Variants in CACNA1I observed in about 807,000 individuals in gnomAD.
CACNA1I encodes calcium voltage-gated channel subunit alpha1 I.
In CACNA1I, 74 loss-of-function variants were observed where a neutral mutation model predicts 201.6. That is an observed-to-expected ratio of 0.37 (90% CI 0.30 to 0.45). The LOEUF (loss-of-function observed/expected upper bound fraction) is 0.45. CACNA1I is among the 20% of genes least tolerant of loss of function. The probability of loss-of-function intolerance (pLI) is 1.00; values close to 1 mark genes in which losing one functional copy is unlikely to be tolerated. For missense variants in CACNA1I, 2,346 were observed against 3,138.1 expected, an observed-to-expected ratio of 0.75 and a Z score of 6.03; for synonymous variants, 1,431 against 1,345.2, an observed-to-expected ratio of 1.06 and a Z score of -1.40.
chr22:39,615,937 G>A (rs888803206), intron 3 of CACNA1I, among the ~76,000 whole-genome samples: 1 of 152,102 alleles, frequency 6.6e-6, no homozygotes, highest in African/African-American at 2.4e-5. Flanking sequence ...TGACTTGGTT[G>A]CCAGGAAGCT....
chr22:39,673,056 T>C lies in CACNA1I; in HGVS notation c.4757T>C (p.Ile1586Thr). 1 of 1,613,414 alleles carries C rather than the reference T, an allele frequency of 6.2e-7. No individual in the cohort carries two copies. The highest frequency in any genetic ancestry group is 8.5e-7 in the Non-Finnish European group (1 of 1,179,704). ...ALPINPTIIRIMRVLRIARVL... is the reference protein window; with the variant it reads ...ALPINPTIIRTMRVLRIARVL... ...CCCATCAATCCCACCATCATCCGCA[T>C]CATGAGGGTTCTGCGCATTGCCCGA... Residue 1586 changes from isoleucine to threonine, a missense_variant, in exon 28 of 37, where the codon ATC becomes ACC. Transcript: ENST00000402142.
chr22:39,647,500 C>A (rs1934526186), intron 8 of CACNA1I, among the ~76,000 whole-genome samples: 1 of 152,270 alleles, frequency 6.6e-6, no homozygotes, highest in Non-Finnish European at 1.5e-5. Context: ...CAACCTCAAA[C>A]TCCTAGGCTT....
At chr22:39,624,449 T>C (rs1341565646) in intron 4 of CACNA1I, among the ~76,000 whole-genome samples, 1 of 152,168 alleles carries the variant, frequency 6.6e-6, no homozygotes, top group African/African-American at 2.4e-5. Flanking sequence ...CTCCTGCTAG[T>C]GGCCACCGCT....
intron 4 of CACNA1I, among the ~76,000 whole-genome samples, chr22:39,627,636 A>G (rs1933937786): frequency 6.6e-6 from 1 of 152,260 alleles, no homozygotes; most frequent in Non-Finnish European, 1.5e-5. Flanking sequence ...TTTGTTGGAC[A>G]GTTCTGAGAG....
At chr22:39,658,367 C>T in intron 11 of CACNA1I, 64 bp downstream of exon 11, 1 of 1,490,418 alleles carries the variant, frequency 6.7e-7, no homozygotes, top group South Asian at 1.2e-5. Flanking sequence ...GCAAAGACCC[C>T]AGCCAGCATA....
chr22:39,673,180 G>A, intron 28 of CACNA1I, 98 bp downstream of exon 28: 2 of 1,155,684 alleles, frequency 1.7e-6, no homozygotes, highest in Non-Finnish European at 2.5e-6. Context: ...GGTGGGGAGG[G>A]GTGGGGGCAG....
intron 1 of CACNA1I, among the ~76,000 whole-genome samples, chr22:39,582,782 CA>C (rs1932598948): frequency 6.9e-6 from 1 of 144,552 alleles, no homozygotes; most frequent in Non-Finnish European, 1.5e-5. Flanking sequence ...CCCACCCACC[CA>C]TCTTTCCCCC....
chr22:39,590,948 T>C (rs1017025697), intron 1 of CACNA1I, among the ~76,000 whole-genome samples: 7 of 152,042 alleles, frequency 4.6e-5, no homozygotes, highest in African/African-American at 1.7e-4. Context: ...TGGGCTTAAG[T>C]GATCCTCCCA....
At chr22:39,678,210 A>G in intron 31 of CACNA1I, 102 bp downstream of exon 31, 1 of 1,341,986 alleles carries the variant, frequency 7.5e-7, no homozygotes, top group Non-Finnish European at 1.0e-6. Flanking sequence ...GCCCCACCAC[A>G]CATGGGAGGG....
In CACNA1I at chr22:39,613,844, T is replaced by C. The variant is rs866247598; in HGVS notation, c.483-5466T>C. ...GTCTGTGGGACATGGATCCCTTCTT[T>C]TTTTTTTTTTGAGACAGAGTTTTGT... On this transcript the variant is annotated intron_variant, in intron 3 of 36. Transcript: ENST00000402142. Among the ~76,000 whole-genome samples, 949 of 149,050 alleles carry C rather than the reference T, an allele frequency of 6.4e-3. 8 individuals are homozygous for C. The highest frequency in any genetic ancestry group is 0.022 in the African/African-American group (907 of 41,010).
chr22:39,657,724 C>T (rs1026493171), intron 10 of CACNA1I, among the ~76,000 whole-genome samples: 5 of 152,352 alleles, frequency 3.3e-5, no homozygotes, highest in East Asian at 1.9e-4. Context: ...TAGAACGGTT[C>T]CCGGCACGTG....
rs1031603961 is a variant in CACNA1I, at chr22:39,653,661, G to A, written c.1992+3736G>A. ...TCTGTGACACTGAGGGGCAGGAGGC[G>A]AGGGTGTGACATCTGTGAAGTGGGG... On this transcript the variant is annotated intron_variant, in intron 10 of 36. Transcript: ENST00000402142. Among the ~76,000 whole-genome samples the A allele has an allele frequency of 3.9e-5, 6 of 152,210 alleles. No individual in the cohort carries two copies. In the South Asian group the frequency reaches 8.3e-4, roughly 21 times the overall value.
chr22:39,613,607 C>T (rs538647993), intron 3 of CACNA1I, among the ~76,000 whole-genome samples: 2 of 152,330 alleles, frequency 1.3e-5, no homozygotes, highest in African/African-American at 4.8e-5. Flanking sequence ...GGGATTGGAA[C>T]CCAGCTCTGT....
intron 11 of CACNA1I, 107 bp downstream of exon 11, chr22:39,658,410 G>C (rs1482025443): frequency 2.9e-6 from 3 of 1,038,182 alleles, no homozygotes; most frequent in Non-Finnish European, 4.3e-6. Flanking sequence ...GAAACCCGTT[G>C]CACTGAAACA....
At chr22:39,611,164 G>A (rs1387299669) in intron 3 of CACNA1I, among the ~76,000 whole-genome samples, 1 of 152,172 alleles carries the variant, frequency 6.6e-6, no homozygotes, top group Non-Finnish European at 1.5e-5. Flanking sequence ...CGTTTAGGTG[G>A]CCTACCATGA....
chr22:39,623,216 C>T (rs982204671), intron 4 of CACNA1I, among the ~76,000 whole-genome samples: 13 of 147,010 alleles, frequency 8.8e-5, no homozygotes, highest in Admixed American at 8.8e-4. Flanking sequence ...TGTGTGTCCA[C>T]CAGAGAACAC....
Position 39,674,316 on chromosome 22 carries a change from G to A in CACNA1I, c.4854+283G>A, listed in dbSNP as rs5757767. On this transcript the variant is annotated intron_variant, in intron 29 of 36. Coordinates refer to ENST00000402142, the MANE Select transcript of CACNA1I (RefSeq NM_021096.4). ...CTTGGTTGCCCCCAGGCTGGTGGAGGGAGATGGATACTTCAGGGAGATGTG... is the reference window on the plus strand; with the variant it reads ...CTTGGTTGCCCCCAGGCTGGTGGAGAGAGATGGATACTTCAGGGAGATGTG... Among the ~76,000 whole-genome samples, 21 of 152,328 alleles carry A rather than the reference G, an allele frequency of 1.4e-4. 1 individual carries two copies. The East Asian group carries it at 3.9e-3, about 28-fold the overall frequency.
rs912483717 is a variant in CACNA1I at position 39,631,989 on chromosome 22, C to T, written c.581-2576C>T. 5.9e-5 allele frequency among the ~76,000 whole-genome samples: 9 copies of T among 152,144 alleles called. No individual in the cohort carries two copies. The East Asian group carries it at 1.6e-3, about 26-fold the overall frequency. On this transcript the variant is annotated intron_variant, in intron 4 of 36. Transcript: ENST00000402142. ...GCCCCAGGGAGGGCTGTGAAGTGCG[C>T]TGGGGCCCAGCTGGGCAGAGTGAGG...
chr22:39,645,489 C>T (rs1323840366), intron 7 of CACNA1I, among the ~76,000 whole-genome samples: 1 of 152,166 alleles, frequency 6.6e-6, no homozygotes, highest in Non-Finnish European at 1.5e-5. Context: ...CTCACACAGG[C>T]CTGGTGCAGG....
Sources: allele counts gnomAD v4.1 joint callset (sites outside exome capture counted in the v4.1 genomes callset), GRCh38; gene constraint gnomAD v4.1.1; transcripts MANE v1.5; gene names NCBI Gene and HGNC (gene_info 2026-07-23, HGNC 2026-07-21).